The following TRHDE variants were observed in gnomAD, a reference collection of about 807,000 sequenced individuals.
The protein encoded by TRHDE is thyrotropin-releasing hormone-degrading ectoenzyme.
In TRHDE, 72 loss-of-function variants were observed where a neutral mutation model predicts 125.7. That is an observed-to-expected ratio of 0.57 (90% CI 0.47 to 0.70). TRHDE has a LOEUF of 0.70. TRHDE is among the 30% of genes least tolerant of loss of function. The pLI, the probability that TRHDE is intolerant of heterozygous loss-of-function variation, is 0.00. For synonymous variants in TRHDE, 509 were observed against 509.1 expected, an observed-to-expected ratio of 1.00 and a Z score of 0.00; for missense variants, 1,110 against 1,327.1, an observed-to-expected ratio of 0.84 and a Z score of 2.54.
chr12:72,658,673 T>C (rs1005961444), intron 18 of TRHDE, among the ~76,000 whole-genome samples: 1 of 152,210 alleles, frequency 6.6e-6, no homozygotes, highest in African/African-American at 2.4e-5. Flanking sequence ...TTTTACACTT[T>C]ATTTAATTGC....
chr12:72,507,381 G>T (rs967990535), intron 6 of TRHDE, among the ~76,000 whole-genome samples: 1 of 152,172 alleles, frequency 6.6e-6, no homozygotes, highest in African/African-American at 2.4e-5. Context: ...CTTTTTGAAT[G>T]ATTTTGACCA....
intron 12 of TRHDE, among the ~76,000 whole-genome samples, chr12:72,590,955 C>T (rs1048146491): frequency 1.3e-5 from 2 of 152,094 alleles, no homozygotes; most frequent in African/African-American, 4.8e-5. Context: ...AGTCTGTTCT[C>T]ACACTGAGAC....
intron 2 of TRHDE, among the ~76,000 whole-genome samples, chr12:72,305,025 C>CGA (rs146489032): frequency 3.6e-4 from 54 of 150,326 alleles, no homozygotes; most frequent in Admixed American, 1.3e-3. Flanking sequence ...AGAGCACATG[C>CGA]GAGAGAGAGA....
chr12:72,562,886 C>A lies in TRHDE; in HGVS notation c.1888C>A (p.Gln630Lys). ...AAGAAATGGGAAATATGTAAATATA[C>A]AAGAAGTAATGGATCAGTGGACACT... ...LKRNGKYVNI[Q>K]EVMDQWTLQM... The change falls in exon 9 of 19, where the codon CAA (glutamine) becomes AAA (lysine). Residue 630 changes from glutamine to lysine, a missense_variant. This residue lies in a region of TRHDE where 527 missense variants were observed against 651.8 expected (regional missense o/e 0.81). Transcript: ENST00000261180. 1 of 1,587,404 alleles carries A rather than the reference C, an allele frequency of 6.3e-7. No homozygotes were observed.
In TRHDE at chr12:72,272,973, C is replaced by T. The variant is rs373089743; in HGVS notation, c.330C>T (p.Phe110=). ...TCGCTGTGCTGCTCAGCCTGCGCTT[C>T]GACGAGTGCGGGGCGAGTGCCACGC... is the stretch of plus-strand genomic sequence containing the variant. ...TMLAVLLSLR[F]DECGASATPG... is the part of the protein sequence containing the mutation. The change falls in exon 1 of 19, where the codon TTC becomes TTT. Residue 110 remains phenylalanine (F), a synonymous_variant. Coordinates refer to ENST00000261180, the MANE Select transcript of TRHDE (RefSeq NM_013381.3). This position sits in a 1 kb window ranked among gnomAD's most constrained non-coding sequence, Gnocchi z 6.7. 68 of 1,562,164 alleles carry T rather than the reference C, an allele frequency of 4.4e-5. No homozygotes were observed. Among genetic ancestry groups the T allele is most frequent in the Non-Finnish European group, 5.8e-5 (67 of 1,160,792 alleles).
chr12:72,203,424 C>T (rs2139356413), intron 2 of TRHDE, among the ~76,000 whole-genome samples: 1 of 151,984 alleles, frequency 6.6e-6, no homozygotes, highest in African/African-American at 2.4e-5. Flanking sequence ...GCAGAGATCG[C>T]GCCACTGCAC....
intron 2 of TRHDE, among the ~76,000 whole-genome samples, chr12:72,133,008 C>G (rs1875899056): frequency 6.6e-6 from 1 of 152,100 alleles, no homozygotes; most frequent in Non-Finnish European, 1.5e-5. Flanking sequence ...GCAGAGAGGA[C>G]ATGGTGGAGG....
intron 10 of TRHDE, among the ~76,000 whole-genome samples, chr12:72,571,722 TTAAAA>T (rs1440580374): frequency 1.3e-5 from 2 of 151,992 alleles, no homozygotes; most frequent in African/African-American, 4.8e-5. Flanking sequence ...AAAGAAAATA[TTAAAA>T]TAGAAGAGAA....
At chr12:72,379,380 T>C (rs920805759) in intron 3 of TRHDE, among the ~76,000 whole-genome samples, 1 of 152,368 alleles carries the variant, frequency 6.6e-6, no homozygotes, top group African/African-American at 2.4e-5. Flanking sequence ...GTTTTCCTTC[T>C]CTTTTCTCCC....
chr12:72,441,672 A>G lies in TRHDE; in HGVS notation c.1316-28086A>G, dbSNP rs1006571205. 5.9e-5 allele frequency among the ~76,000 whole-genome samples: 9 copies of G among 151,884 alleles called. No individual in the cohort carries two copies. In the Admixed American group the frequency reaches 5.9e-4, roughly 10 times the overall value. On this transcript the variant is annotated intron_variant, in intron 3 of 18. Transcript: ENST00000261180. ...TAATGAAGAGAGCTGTTATAGGTGT[A>G]TTCTCATTTCCAGAGAACTCGAAGC...
At chr12:72,441,719 G>A (rs1475960854) in intron 3 of TRHDE, among the ~76,000 whole-genome samples, 1 of 151,800 alleles carries the variant, frequency 6.6e-6, no homozygotes, top group Non-Finnish European at 1.5e-5. Context: ...AGTTGACGTT[G>A]TTGGCCAAAT....
chr12:72,183,730 T>A (rs1228739062), intron 2 of TRHDE, among the ~76,000 whole-genome samples: 1 of 152,180 alleles, frequency 6.6e-6, no homozygotes, highest in Non-Finnish European at 1.5e-5. Context: ...TAGTCTAGAC[T>A]AAAGCATACA....
At chr12:72,214,719 T>C (rs1451125849) in intron 2 of TRHDE, among the ~76,000 whole-genome samples, 1 of 152,174 alleles carries the variant, frequency 6.6e-6, no homozygotes, top group Non-Finnish European at 1.5e-5. Flanking sequence ...CACGGATTTG[T>C]TTTTGAAGAA....
intron 2 of TRHDE, among the ~76,000 whole-genome samples, chr12:72,112,439 C>T (rs1875337872): frequency 6.6e-6 from 1 of 152,158 alleles, no homozygotes; most frequent in Admixed American, 6.6e-5. Flanking sequence ...TATGTGTACA[C>T]TCACAGCATT....
At chr12:72,304,252 G>T (rs1200190133) in intron 2 of TRHDE, among the ~76,000 whole-genome samples, 2 of 151,932 alleles carry the variant, frequency 1.3e-5, no homozygotes, top group East Asian at 3.9e-4. Context: ...AGTCTTAATT[G>T]TTCTGATTTT....
intron 6 of TRHDE, among the ~76,000 whole-genome samples, chr12:72,524,668 A>G (rs1187159674): frequency 6.6e-6 from 1 of 152,150 alleles, no homozygotes; most frequent in East Asian, 1.9e-4. Flanking sequence ...ATCTGTGTAA[A>G]TAATCTCATC....
At chr12:72,612,434 A>C (rs184660215) in intron 12 of TRHDE, among the ~76,000 whole-genome samples, 3 of 152,326 alleles carry the variant, frequency 2.0e-5, no homozygotes, top group Non-Finnish European at 4.4e-5. Flanking sequence ...GAAAGCACTT[A>C]ACCCTAATTC....
chr12:72,159,278 T>G (rs1463624609), intron 2 of TRHDE, among the ~76,000 whole-genome samples: 2 of 152,152 alleles, frequency 1.3e-5, no homozygotes, highest in African/African-American at 4.8e-5. Context: ...CAACAATAAT[T>G]GTCAAGAAAC....
At chr12:72,092,095 G>T (rs1255124678) in intron 1 of TRHDE, among the ~76,000 whole-genome samples, 2 of 152,212 alleles carry the variant, frequency 1.3e-5, no homozygotes, top group Admixed American at 1.3e-4. Context: ...ACTAGCAGCA[G>T]TGGCGGTTGG....
Sources: gnomAD v4.1 joint callset for allele counts (sites outside exome capture counted in the v4.1 genomes callset) on GRCh38, gnomAD v4.1.1 for gene constraint, gnomAD v4.1.1 regional missense constraint, Gnocchi (gnomAD v3.1) non-coding constraint, MANE v1.5 for transcripts, NCBI Gene and HGNC (gene_info 2026-07-23, HGNC 2026-07-21) for gene names.